PIWIL1: variants seen among roughly 807,000 people sequenced by gnomAD.
The protein encoded by PIWIL1 is piwi-like protein 1.
PIWIL1 carries 73 observed loss-of-function variants against 114.4 expected under a neutral mutation model. The observed-to-expected ratio is 0.64, with a 90% confidence interval of 0.53 to 0.78. The LOEUF (loss-of-function observed/expected upper bound fraction) is 0.78. PIWIL1 is among the 30% of genes least tolerant of loss of function. The pLI is 0.00. For missense variants in PIWIL1, 723 were observed against 1,063.1 expected, an observed-to-expected ratio of 0.68 and a Z score of 4.45; for synonymous variants, 375 against 369.0, an observed-to-expected ratio of 1.02 and a Z score of -0.19.
At chr12:130,404,547 G>A in the PIWIL1 span, among the ~76,000 whole-genome samples, 2 of 152,134 alleles carry the variant, frequency 1.3e-5, no homozygotes, top group African/African-American at 4.8e-5. Flanking sequence ...TGATCAGCAC[G>A]CCTCAGCCTC....
At chr12:130,409,491 C>T in the PIWIL1 span, among the ~76,000 whole-genome samples, 6 of 151,890 alleles carry the variant, frequency 4.0e-5, no homozygotes, top group African/African-American at 1.5e-4. Flanking sequence ...TGCAGGCGCC[C>T]GCCACCACGC....
At chr12:130,376,214 C>T (rs1045204760), downstream of PIWIL1, among the ~76,000 whole-genome samples, 3 of 152,234 alleles carry the variant, frequency 2.0e-5, no homozygotes, top group Non-Finnish European at 4.4e-5. Flanking sequence ...AACTGCCTGA[C>T]ACTCTTCAAT....
chr12:130,378,910 T>C, the PIWIL1 span, among the ~76,000 whole-genome samples: 8 of 152,368 alleles, frequency 5.3e-5, no homozygotes, highest in Admixed American at 2.6e-4. Flanking sequence ...GCTGTTTTGC[T>C]TTCTTAAGTA....
At chr12:130,421,144 G>A in the PIWIL1 span, 11 of 152,282 alleles carry the variant, frequency 7.2e-5, no homozygotes, top group Non-Finnish European at 1.3e-4. Flanking sequence ...CAGGAGAACC[G>A]ATTTATTAAG....
At position 130,361,521 on chromosome 12, in the gene PIWIL1, C is replaced by A; in HGVS notation, c.1890C>A (p.Gly630=). Residue 630 remains glycine, a synonymous_variant, in exon 16 of 21, where the codon GGC becomes GGA. Transcript: ENST00000245255. Reference sequence around the variant, plus strand: ...AGCTGAAGCTCGTGATGATCGTTGGCATCGATTGTTACCATGACATGACAG... The same window carrying A: ...AGCTGAAGCTCGTGATGATCGTTGGAATCGATTGTTACCATGACATGACAG... ...DIPLKLVMIV[G]IDCYHDMTAG... is the part of the protein sequence containing the mutation. 2 of 1,614,158 alleles carry A rather than the reference C, an allele frequency of 1.2e-6. No individual in the cohort carries two copies. Among genetic ancestry groups the A allele is most frequent in the Non-Finnish European group, 1.7e-6 (2 of 1,180,020 alleles).
At chr12:130,412,918 T>C in the PIWIL1 span, 1 of 872,772 alleles carries the variant, frequency 1.1e-6, no homozygotes, top group East Asian at 2.7e-5. Flanking sequence ...ATAAATCACC[T>C]GCATAGGTCA....
the PIWIL1 span, among the ~76,000 whole-genome samples, chr12:130,411,508 T>C: frequency 6.6e-6 from 1 of 152,120 alleles, no homozygotes; most frequent in Non-Finnish European, 1.5e-5. Context: ...CACATAGATA[T>C]ATCAGGCTAG....
intron 14 of PIWIL1, among the ~76,000 whole-genome samples, chr12:130,360,929 A>C (rs1184806486): frequency 6.6e-6 from 1 of 152,232 alleles, no homozygotes; most frequent in Non-Finnish European, 1.5e-5. Context: ...AAGTTTAAAC[A>C]GTATTCAGTT....
rs930878316 is a variant in PIWIL1 at position 130,346,968 on chromosome 12, A to G, written c.559A>G (p.Asn187Asp). Residue 187 changes from asparagine (N) to aspartate (D), a missense_variant, in exon 6 of 21, where the codon AAT becomes GAT. Transcript: ENST00000245255. ...TACTGAAGTTTTTAGTAAGACCCGG[A>G]ATGGAGAGGATGTGAGGATAACGAT... ...KVTEVFSKTR[N>D]GEDVRITITL... 25 of 1,613,240 alleles carry G rather than the reference A, an allele frequency of 1.5e-5. No homozygotes were observed. Among genetic ancestry groups the G allele is most frequent in the Non-Finnish European group, 2.0e-5 (24 of 1,179,694 alleles).
At chr12:130,405,128 C>A in the PIWIL1 span, among the ~76,000 whole-genome samples, 1 of 152,040 alleles carries the variant, frequency 6.6e-6, no homozygotes, top group South Asian at 2.1e-4. Flanking sequence ...AGGCATGACC[C>A]CCAAGGCAGA....
the PIWIL1 span, among the ~76,000 whole-genome samples, chr12:130,418,368 T>C: frequency 1.3e-5 from 2 of 152,332 alleles, no homozygotes; most frequent in Admixed American, 6.5e-5. Context: ...CTGAGTTCAA[T>C]AGAATGTGAA....
At chr12:130,388,216 T>G in the PIWIL1 span, among the ~76,000 whole-genome samples, 1 of 152,134 alleles carries the variant, frequency 6.6e-6, no homozygotes, top group Admixed American at 6.6e-5. Context: ...TGGGCTCAGG[T>G]GATCCTCCTG....
chr12:130,376,676 A>G (rs142680159), downstream of PIWIL1, among the ~76,000 whole-genome samples: 215 of 152,334 alleles, frequency 1.4e-3, 7 homozygotes, highest in East Asian at 0.039. Flanking sequence ...AGTGAAGTTT[A>G]TCAGCTTCAC....
chr12:130,356,464 C>T (rs1283201403), intron 12 of PIWIL1, among the ~76,000 whole-genome samples: 2 of 152,108 alleles, frequency 1.3e-5, no homozygotes, highest in Non-Finnish European at 2.9e-5. Context: ...ATGACCAGCA[C>T]TCGGGTGCTG....
chr12:130,407,688 GGTT>G, the PIWIL1 span: 1 of 1,490,520 alleles, frequency 6.7e-7, no homozygotes, highest in Non-Finnish European at 9.4e-7. Context: ...GGAAGGGTGT[GGTT>G]GTGTCCGTCA....
At chr12:130,363,280 G>A in intron 18 of PIWIL1, 136 bp downstream of exon 18, 1 of 854,134 alleles carries the variant, frequency 1.2e-6, no homozygotes. Flanking sequence ...GTGATGGGAA[G>A]GGCAGAGGGA....
intron 11 of PIWIL1, 127 bp downstream of exon 11, chr12:130,355,132 G>A: frequency 2.8e-6 from 2 of 706,218 alleles, no homozygotes; most frequent in Non-Finnish European, 2.5e-6. Context: ...AGTATTTGGG[G>A]TGGGCTTGTT....
chr12:130,419,916 AT>A, the PIWIL1 span: 2 of 152,200 alleles, frequency 1.3e-5, no homozygotes, highest in Admixed American at 1.3e-4. This position sits in a 1 kb window ranked among gnomAD's most constrained non-coding sequence, Gnocchi z 4.3. Flanking sequence ...CATGAAGGAC[AT>A]TTTTTAAATT....
At chr12:130,392,130 G>A in the PIWIL1 span, among the ~76,000 whole-genome samples, 14 of 118,058 alleles carry the variant, frequency 1.2e-4, 2 homozygotes, top group East Asian at 6.5e-4. Flanking sequence ...CCCGGTCACC[G>A]TCATCACGTG....
Sources: allele counts gnomAD v4.1 joint callset (sites outside exome capture counted in the v4.1 genomes callset), GRCh38; gene constraint gnomAD v4.1.1; non-coding constraint Gnocchi (gnomAD v3.1); transcripts MANE v1.5; gene names NCBI Gene and HGNC (gene_info 2026-07-23, HGNC 2026-07-21).